The following CHN2 variants were observed in gnomAD, a reference collection of about 807,000 sequenced individuals.
The protein encoded by CHN2 is beta-chimaerin.
Under a neutral mutation model 56.3 loss-of-function variants are expected in CHN2, and 35 were observed. The ratio of observed to expected loss-of-function variants is 0.62; its 90% CI spans 0.47 to 0.82. CHN2 has a LOEUF of 0.82. Among genes scored for constraint, CHN2 ranks in the 40% least tolerant of loss-of-function variants. The pLI is 0.00. For synonymous variants in CHN2, 210 were observed against 212.8 expected, an observed-to-expected ratio of 0.99 and a Z score of 0.12; for missense variants, 491 against 580.5, an observed-to-expected ratio of 0.85 and a Z score of 1.58.
intron 1 of CHN2, among the ~76,000 whole-genome samples, chr7:29,280,450 G>A (rs930882407): frequency 6.6e-6 from 1 of 152,078 alleles, no homozygotes; most frequent in Non-Finnish European, 1.5e-5. Flanking sequence ...TAGAGGGACA[G>A]GAAAGTTAAT....
At chr7:29,211,107 A>C (rs62444116) in intron 1 of CHN2, among the ~76,000 whole-genome samples, 9 of 151,058 alleles carry the variant, frequency 6.0e-5, no homozygotes, top group African/African-American at 1.9e-4. Context: ...GTCTCGCTCT[A>C]TCGCCCAGGC....
intron 1 of CHN2, among the ~76,000 whole-genome samples, chr7:29,310,210 A>AC (rs1794486100): frequency 6.6e-6 from 1 of 152,244 alleles, no homozygotes; most frequent in African/African-American, 2.4e-5. Flanking sequence ...TAGAAAAAAA[A>AC]CTGGAAACAA....
intron 3 of CHN2, among the ~76,000 whole-genome samples, chr7:29,378,033 C>T (rs1800209822): frequency 6.6e-6 from 1 of 152,228 alleles, no homozygotes; most frequent in African/African-American, 2.4e-5. Context: ...TCTACCAAGT[C>T]TGTAATTACA....
chr7:29,201,108 T>C (rs1313562424), intron 1 of CHN2, among the ~76,000 whole-genome samples: 2 of 152,246 alleles, frequency 1.3e-5, no homozygotes, highest in African/African-American at 4.8e-5. Context: ...TCAGCCTGTT[T>C]GTACTGCAGT....
chr7:29,153,257 A>G (rs1394919993), intron 2 of CHN2, among the ~76,000 whole-genome samples: 1 of 152,186 alleles, frequency 6.6e-6, no homozygotes, highest in Non-Finnish European at 1.5e-5. Context: ...CAAGCCTCCA[A>G]AGAAAGAGGC....
At chr7:29,195,617 A>AGG (rs1562821760) in intron 1 of CHN2, among the ~76,000 whole-genome samples, 1 of 126,536 alleles carries the variant, frequency 7.9e-6, no homozygotes, top group Admixed American at 8.4e-5. Context: ...AGAGAGAGAG[A>AGG]GAGAGAGAGA....
At chr7:29,268,283 AACACACACAC>A (rs145638795) in intron 1 of CHN2, among the ~76,000 whole-genome samples, 9 of 134,244 alleles carry the variant, frequency 6.7e-5, no homozygotes, top group Non-Finnish European at 9.4e-5. Flanking sequence ...GCTTCACCAG[AACACACACAC>A]ACACACACAC....
At chr7:29,478,660 T>G (rs2128539253) in intron 6 of CHN2, among the ~76,000 whole-genome samples, 1 of 152,290 alleles carries the variant, frequency 6.6e-6, no homozygotes, top group Admixed American at 6.5e-5. Context: ...CAAATTGCTT[T>G]ACCTCTCAGT....
intron 2 of CHN2, among the ~76,000 whole-genome samples, chr7:29,182,378 T>C (rs1798168726): frequency 6.6e-6 from 1 of 150,508 alleles, no homozygotes; most frequent in Non-Finnish European, 1.5e-5. Context: ...AAGCAAAAGC[T>C]CCTCATTGTG....
chr7:29,240,480 G>A (rs1450980851), intron 1 of CHN2, among the ~76,000 whole-genome samples: 2 of 152,192 alleles, frequency 1.3e-5, no homozygotes, highest in Non-Finnish European at 2.9e-5. Flanking sequence ...GAGGCAGAAA[G>A]CTAGTCTTGG....
At chr7:29,312,608 C>T (rs1372716723) in intron 1 of CHN2, among the ~76,000 whole-genome samples, 1 of 152,004 alleles carries the variant, frequency 6.6e-6, no homozygotes, top group South Asian at 2.1e-4. Flanking sequence ...TCTAAGTGAC[C>T]TAAATAATAA....
chr7:29,211,450 G>GCAAA (rs1554364097), intron 1 of CHN2, among the ~76,000 whole-genome samples: 1 of 138,360 alleles, frequency 7.2e-6, no homozygotes, highest in Non-Finnish European at 1.6e-5. Flanking sequence ...CTGCATGTTG[G>GCAAA]CACACACACA....
intron 1 of CHN2, among the ~76,000 whole-genome samples, chr7:29,258,352 A>G (rs776854944): frequency 6.6e-6 from 1 of 151,072 alleles, no homozygotes; most frequent in Non-Finnish European, 1.5e-5. Context: ...CTCAAACTAC[A>G]CTTCTAAGCT....
At chr7:29,468,743 TC>T (rs1325776336) in intron 6 of CHN2, among the ~76,000 whole-genome samples, 4 of 152,154 alleles carry the variant, frequency 2.6e-5, no homozygotes, top group African/African-American at 9.7e-5. Flanking sequence ...TCACTTACTT[TC>T]ATATTGCTAA....
chr7:29,400,853 C>G, intron 6 of CHN2, 25 bp downstream of exon 6: 2 of 1,606,838 alleles, frequency 1.2e-6, no homozygotes, highest in Non-Finnish European at 1.7e-6. Context: ...ATGGAAGCAG[C>G]CTTTCGTTTT....
rs146578572 is a variant in CHN2, at chr7:29,426,909, C to T, written c.576+26081C>T. On this transcript the variant is annotated intron_variant, in intron 6 of 12. Coordinates refer to ENST00000222792, the MANE Select transcript of CHN2 (RefSeq NM_004067.4). ...CCGGTGGCTCCCATCTTCCTTCTCA[C>T]ATGGTCCCTCCGTCATCACGTCCAT... 5.8e-4 allele frequency among the ~76,000 whole-genome samples: 89 copies of T among 152,358 alleles called. No individual in the cohort carries two copies. In the East Asian group the frequency reaches 0.016, roughly 28 times the overall value.
At chr7:29,280,601 C>A (rs1000102254) in intron 1 of CHN2, among the ~76,000 whole-genome samples, 8 of 152,098 alleles carry the variant, frequency 5.3e-5, no homozygotes, top group Non-Finnish European at 8.8e-5. Flanking sequence ...ACAAGACACT[C>A]TACAAGGCAC....
chr7:29,208,828 T>C (rs1413102644), intron 1 of CHN2: 2 of 152,246 alleles, frequency 1.3e-5, no homozygotes, highest in Non-Finnish European at 2.9e-5. Context: ...TTGTAGACAC[T>C]GCAGTATCTG....
intron 2 of CHN2, among the ~76,000 whole-genome samples, chr7:29,156,615 G>A (rs1562798676): frequency 2.0e-5 from 3 of 152,110 alleles, no homozygotes. Flanking sequence ...AAACTTTGTG[G>A]GTTTTTTTTC....
Sources: gnomAD v4.1 joint callset for allele counts (sites outside exome capture counted in the v4.1 genomes callset) on GRCh38, gnomAD v4.1.1 for gene constraint, MANE v1.5 for transcripts, NCBI Gene and HGNC (gene_info 2026-07-23, HGNC 2026-07-21) for gene names.